SCML4: variants seen among roughly 807,000 people sequenced by gnomAD.
SCML4 encodes the protein Scm polycomb group protein like 4.
Under a neutral mutation model 41.1 loss-of-function variants are expected in SCML4, and 34 were observed. That is an observed-to-expected ratio of 0.83 (90% CI 0.63 to 1.10). SCML4 has a LOEUF of 1.10. SCML4 is among the 50% of genes least tolerant of loss of function. SCML4 has a pLI of 0.00. For synonymous variants in SCML4, 214 were observed against 220.9 expected (o/e 0.97, Z 0.28); for missense variants, 522 against 534.1 (o/e 0.98, Z 0.22).
chr6:107,706,629 G>C (rs1173105783), intron 7 of SCML4, among the ~76,000 whole-genome samples: 1 of 152,208 alleles, frequency 6.6e-6, no homozygotes, highest in Non-Finnish European at 1.5e-5. Flanking sequence ...GGTTGCAGAT[G>C]GGATTAAGCT....
chr6:107,766,191 G>A (rs1780021311), intron 2 of SCML4, among the ~76,000 whole-genome samples: 1 of 152,048 alleles, frequency 6.6e-6, no homozygotes, highest in African/African-American at 2.4e-5. Context: ...TCAACATGGT[G>A]AAATCCCGTC....
intron 5 of SCML4, among the ~76,000 whole-genome samples, chr6:107,722,506 T>C (rs996589876): frequency 6.6e-6 from 1 of 152,078 alleles, no homozygotes. Flanking sequence ...AAACAGATCT[T>C]GGTATGCCCA....
chr6:107,745,428 G>A (rs527455172), intron 4 of SCML4: 1 of 298,564 alleles, frequency 3.3e-6, no homozygotes, highest in African/African-American at 2.2e-5. Context: ...GTACTGCTCA[G>A]GGTAAAATGT....
intron 1 of SCML4, among the ~76,000 whole-genome samples, chr6:107,804,737 G>A (rs1281036130): frequency 6.6e-6 from 1 of 152,144 alleles, no homozygotes; most frequent in East Asian, 1.9e-4. Context: ...GCACAACTGG[G>A]AAGCCAAGGC....
At chr6:107,715,682 C>T in intron 6 of SCML4, among the ~76,000 whole-genome samples, 1 of 152,138 alleles carries the variant, frequency 6.6e-6, no homozygotes, top group East Asian at 1.9e-4. Context: ...CCCTTGGAGC[C>T]CACTGGCAGC....
intron 1 of SCML4, among the ~76,000 whole-genome samples, chr6:107,791,757 C>T (rs1284203783): frequency 6.6e-6 from 1 of 152,072 alleles, no homozygotes; most frequent in East Asian, 1.9e-4. Context: ...AGTTCGGGAC[C>T]AGCCTGGGCA....
At chr6:107,780,961 G>GT (rs149798392) in intron 1 of SCML4, among the ~76,000 whole-genome samples, 38,699 of 149,558 alleles carry the variant, frequency 0.26, 5,234 homozygotes, top group African/African-American at 0.33. Context: ...ATAAGCAATG[G>GT]TTTTTTTTTT....
Position 107,720,818 on chromosome 6 carries a change from G to T in SCML4, c.858C>A (p.Thr286=), listed in dbSNP as rs752778843. ...DSHLGGGPAA[T]AGGPRTSPMS... is the part of the protein sequence containing the mutation. Reference sequence around the variant, plus strand: ...TGGGGCTAGTGCGGGGACCACCAGCGGTGGCAGCAGGACCACCCCCAAGGT... The same window carrying T: ...TGGGGCTAGTGCGGGGACCACCAGCTGTGGCAGCAGGACCACCCCCAAGGT... Residue 286 remains threonine (T), a synonymous_variant, in exon 6 of 8, where the codon ACC becomes ACA. Coordinates refer to ENST00000369020, the MANE Select transcript of SCML4 (RefSeq NM_198081.5). The T allele has an allele frequency of 6.2e-7, 1 of 1,614,106 alleles. No homozygotes were observed. Among genetic ancestry groups the T allele is most frequent in the East Asian group, 2.2e-5 (1 of 44,876 alleles).
chr6:107,769,688 A>G (rs545852627), intron 2 of SCML4, among the ~76,000 whole-genome samples: 16 of 152,302 alleles, frequency 1.1e-4, no homozygotes, highest in Non-Finnish European at 4.4e-5. Context: ...AAATTATGTT[A>G]TATCTTATTT....
At chr6:107,779,696 C>A (rs749290901) in intron 1 of SCML4, among the ~76,000 whole-genome samples, 36 of 152,300 alleles carry the variant, frequency 2.4e-4, no homozygotes, top group Middle Eastern at 3.4e-3. Flanking sequence ...CACTGTGAGC[C>A]AATGTCTCCA....
chr6:107,778,013 G>A (rs1193855672), intron 1 of SCML4, among the ~76,000 whole-genome samples: 1 of 151,068 alleles, frequency 6.6e-6, no homozygotes, highest in African/African-American at 2.4e-5. Flanking sequence ...TCAGGAGTTC[G>A]AGACCAGCCT....
At chr6:107,741,113 G>A (rs572414266) in intron 5 of SCML4, among the ~76,000 whole-genome samples, 1 of 152,156 alleles carries the variant, frequency 6.6e-6, no homozygotes, top group African/African-American at 2.4e-5. Flanking sequence ...GTTCCAAACT[G>A]GTGGCATAGA....
chr6:107,837,702 T>C, the SCML4 span, among the ~76,000 whole-genome samples: 1 of 152,090 alleles, frequency 6.6e-6, no homozygotes, highest in African/African-American at 2.4e-5. Flanking sequence ...CTATTTTCCC[T>C]AAGGATTTGT....
chr6:107,815,634 G>A (rs1170014599), intron 1 of SCML4, among the ~76,000 whole-genome samples: 1 of 152,222 alleles, frequency 6.6e-6, no homozygotes, highest in African/African-American at 2.4e-5. Context: ...TCTTGGGGCA[G>A]GTGTCAGCCC....
chr6:107,764,450 C>T (rs1482536394), intron 2 of SCML4, among the ~76,000 whole-genome samples: 2 of 152,072 alleles, frequency 1.3e-5, no homozygotes, highest in African/African-American at 2.4e-5. Context: ...CTTTCTTGTG[C>T]CTTTCAGAGA....
At chr6:107,823,782 C>A (rs79965712) in intron 1 of SCML4, among the ~76,000 whole-genome samples, 11,744 of 152,058 alleles carry the variant, frequency 0.077, 1,388 homozygotes, top group African/African-American at 0.26. Context: ...AATAACTAAC[C>A]GGTTACTTGA....
In SCML4 at chr6:107,745,066, G is replaced by A. The variant is rs1391813390; in HGVS notation, c.565C>T (p.Leu189Phe). ...VNSIGYVLRF[L>F]AKLCRSLLCD... ...AGGAGGCTTCGGCACAGCTTGGCGAGGAAGCGGAGGACATAGCCGATGCTG... is the reference window on the plus strand; with the variant it reads ...AGGAGGCTTCGGCACAGCTTGGCGAAGAAGCGGAGGACATAGCCGATGCTG... Residue 189 changes from leucine (L) to phenylalanine (F), a missense_variant, in exon 5 of 8, where the codon CTC (leucine) becomes TTC (phenylalanine). Transcript: ENST00000369020. 6.2e-7 allele frequency: 1 copy of A among 1,613,904 alleles called. No individual in the cohort carries two copies. Among genetic ancestry groups the A allele is most frequent in the East Asian group, 2.2e-5 (1 of 44,870 alleles).
intron 6 of SCML4, among the ~76,000 whole-genome samples, chr6:107,715,044 G>T (rs866484161): frequency 6.7e-6 from 1 of 149,354 alleles, no homozygotes; most frequent in Non-Finnish European, 1.5e-5. Context: ...GCATGATCTC[G>T]GCTCAGTGCA....
At chr6:107,730,020 A>G (rs913532240) in intron 5 of SCML4, among the ~76,000 whole-genome samples, 55 of 152,322 alleles carry the variant, frequency 3.6e-4, no homozygotes, top group African/African-American at 1.3e-3. Context: ...CTGGACATGT[A>G]CCCTTTACAC....
Sources: allele counts gnomAD v4.1 joint callset (sites outside exome capture counted in the v4.1 genomes callset), GRCh38; gene constraint gnomAD v4.1.1; transcripts MANE v1.5; gene names NCBI Gene and HGNC (gene_info 2026-07-23, HGNC 2026-07-21).